Variants in SLIT2 observed in about 807,000 individuals in gnomAD.
SLIT2 encodes slit guidance ligand 2.
SLIT2 carries 41 observed loss-of-function variants against 185.7 expected under a neutral mutation model. The ratio of observed to expected loss-of-function variants is 0.22; its 90% CI spans 0.17 to 0.29. The LOEUF (loss-of-function observed/expected upper bound fraction) is 0.29. Ranked by LOEUF, SLIT2 falls within the 10% of genes least tolerant of loss-of-function variation. The pLI is 1.00. For synonymous variants in SLIT2, 693 were observed against 680.2 expected (o/e 1.02, Z -0.29); for missense variants, 1,571 against 1,909.0 (o/e 0.82, Z 3.30).
intron 3 of SLIT2, among the ~76,000 whole-genome samples, chr4:20,260,789 T>C (rs533642783): frequency 8.0e-4 from 121 of 152,008 alleles, no homozygotes; most frequent in African/African-American, 2.7e-3. Flanking sequence ...TAGTTTTCCC[T>C]TTCAAAGAGT....
intron 4 of SLIT2, among the ~76,000 whole-genome samples, chr4:20,281,567 GTT>G (rs1181306674): frequency 6.6e-6 from 1 of 152,124 alleles, no homozygotes; most frequent in Admixed American, 6.5e-5. Flanking sequence ...CTTGGTGTGG[GTT>G]TTCTTTCCCT....
intron 9 of SLIT2, among the ~76,000 whole-genome samples, chr4:20,510,261 G>A (rs185800234): frequency 3.3e-5 from 5 of 152,196 alleles, no homozygotes; most frequent in African/African-American, 1.2e-4. Flanking sequence ...TGATGGATAT[G>A]TAGTACTTAA....
chr4:20,374,983 T>C (rs562868559), intron 4 of SLIT2, among the ~76,000 whole-genome samples: 115 of 152,226 alleles, frequency 7.6e-4, no homozygotes, highest in Non-Finnish European at 1.4e-3. Flanking sequence ...TTATTGCTTT[T>C]TTTTTCTTCC....
chr4:20,373,823 A>G (rs973844335), intron 4 of SLIT2, among the ~76,000 whole-genome samples: 2 of 152,090 alleles, frequency 1.3e-5, no homozygotes, highest in Non-Finnish European at 2.9e-5. Flanking sequence ...GGTGTAGCAC[A>G]TGGAAGAGGC....
chr4:20,462,827 C>T (rs1713878323), intron 4 of SLIT2, among the ~76,000 whole-genome samples: 1 of 152,146 alleles, frequency 6.6e-6, no homozygotes, highest in Non-Finnish European at 1.5e-5. Context: ...CCACACAGGT[C>T]ATAGAACAGT....
chr4:20,474,447 T>A (rs1211162950), intron 5 of SLIT2, among the ~76,000 whole-genome samples: 1 of 152,096 alleles, frequency 6.6e-6, no homozygotes, highest in East Asian at 1.9e-4. Flanking sequence ...GTCTTCAGAG[T>A]GCTTTCAGCA....
intron 9 of SLIT2, among the ~76,000 whole-genome samples, chr4:20,494,362 A>G (rs1414121715): frequency 6.6e-6 from 1 of 152,210 alleles, no homozygotes; most frequent in African/African-American, 2.4e-5. Context: ...AGTATGAGTG[A>G]TGCGGAGGTT....
At chr4:20,534,644 C>T (rs996135385) in intron 18 of SLIT2, among the ~76,000 whole-genome samples, 1 of 152,110 alleles carries the variant, frequency 6.6e-6, no homozygotes, top group Non-Finnish European at 1.5e-5. Flanking sequence ...AGAAGCAGTC[C>T]TTGGTGATTG....
intron 4 of SLIT2, among the ~76,000 whole-genome samples, chr4:20,340,793 G>A (rs1352724907): frequency 6.6e-6 from 1 of 152,058 alleles, no homozygotes; most frequent in African/African-American, 2.4e-5. Flanking sequence ...GGTAGAGATG[G>A]GGTTTCATTC....
At chr4:20,462,069 C>G (rs964375688) in intron 4 of SLIT2, among the ~76,000 whole-genome samples, 2 of 152,132 alleles carry the variant, frequency 1.3e-5, no homozygotes, top group Non-Finnish European at 2.9e-5. Flanking sequence ...GGTTTCTTGA[C>G]TGGCCAGTAA....
At position 20,348,730 on chromosome 4, in the gene SLIT2, G is replaced by A. The variant is rs185652465; in HGVS notation, c.395+79849G>A. Among the ~76,000 whole-genome samples, 694 of 152,280 alleles carry A rather than the reference G, an allele frequency of 4.6e-3. 7 individuals carry two copies. Among genetic ancestry groups the A allele is most frequent in the Middle Eastern group, 0.01 (3 of 294 alleles). On this transcript the variant is annotated intron_variant, in intron 4 of 36. Coordinates refer to ENST00000504154, the MANE Select transcript of SLIT2 (RefSeq NM_004787.4). Reference sequence around the variant, plus strand: ...ATAAGTGCTCTGTCATTAAGAGTTCGTTTGTCAACGTCTTGAGTCTTAAAT... The same window carrying A: ...ATAAGTGCTCTGTCATTAAGAGTTCATTTGTCAACGTCTTGAGTCTTAAAT...
intron 30 of SLIT2, among the ~76,000 whole-genome samples, chr4:20,590,793 C>G (rs559726088): frequency 6.6e-6 from 1 of 152,180 alleles, no homozygotes; most frequent in African/African-American, 2.4e-5. Context: ...ATCATCTAGT[C>G]TTCATTTAAA....
intron 4 of SLIT2, among the ~76,000 whole-genome samples, chr4:20,408,668 T>C (rs1485076344): frequency 6.6e-6 from 1 of 152,154 alleles, no homozygotes; most frequent in Non-Finnish European, 1.5e-5. Context: ...ATCTCACTCA[T>C]TGTGGAAACC....
Position 20,527,688 on chromosome 4 carries a change from T to A in SLIT2, c.1463-1261T>A, listed in dbSNP as rs913215008. 2.0e-5 allele frequency among the ~76,000 whole-genome samples: 3 copies of A among 152,228 alleles called. No individual in the cohort carries two copies. The South Asian group carries it at 6.2e-4, about 31-fold the overall frequency. On this transcript the variant is annotated intron_variant, in intron 15 of 36. Transcript: ENST00000504154. ...CCACCGTGCTTCAAAATATTATTTA[T>A]AAAATTTTACAAAGCATGACAATTC...
At chr4:20,413,950 A>C (rs898411501) in intron 4 of SLIT2, among the ~76,000 whole-genome samples, 4 of 152,106 alleles carry the variant, frequency 2.6e-5, no homozygotes, top group Non-Finnish European at 4.4e-5. Context: ...AATTACTGAC[A>C]AATTAGGATT....
At chr4:20,560,372 ACT>A (rs1286985167) in intron 26 of SLIT2, among the ~76,000 whole-genome samples, 5 of 151,872 alleles carry the variant, frequency 3.3e-5, no homozygotes, top group Non-Finnish European at 5.9e-5. Context: ...TTTATGGTAA[ACT>A]CTCATCATTT....
intron 9 of SLIT2, among the ~76,000 whole-genome samples, chr4:20,509,326 CAG>C (rs749499476): frequency 7.2e-5 from 11 of 151,928 alleles, no homozygotes; most frequent in African/African-American, 1.7e-4. Context: ...AGGAAGGTAA[CAG>C]GGAAAAAACT....
At chr4:20,499,790 A>G (rs548040914) in intron 9 of SLIT2, among the ~76,000 whole-genome samples, 82 of 152,098 alleles carry the variant, frequency 5.4e-4, no homozygotes, top group Admixed American at 4.1e-3. Flanking sequence ...GCCCAGAGTC[A>G]TCTGACTTTT....
intron 3 of SLIT2, among the ~76,000 whole-genome samples, chr4:20,261,688 T>C (rs546391679): frequency 1.3e-5 from 2 of 152,006 alleles, no homozygotes; most frequent in Admixed American, 6.6e-5. Flanking sequence ...AGGGTTGTTA[T>C]AGGATGTTTT....
Sources: gnomAD v4.1 joint callset for allele counts (sites outside exome capture counted in the v4.1 genomes callset) on GRCh38, gnomAD v4.1.1 for gene constraint, MANE v1.5 for transcripts, NCBI Gene and HGNC (gene_info 2026-07-23, HGNC 2026-07-21) for gene names.